Variants in MRPS27 observed in about 807,000 individuals in gnomAD.
The protein encoded by MRPS27 is small ribosomal subunit protein mS27.
A neutral mutation model predicts 48.9 loss-of-function variants in MRPS27; 43 were observed. The ratio of observed to expected loss-of-function variants is 0.88; its 90% CI spans 0.69 to 1.13. The LOEUF (loss-of-function observed/expected upper bound fraction) is 1.13. Ranked by LOEUF, MRPS27 falls within the 50% of genes most tolerant of loss-of-function variation. The probability of loss-of-function intolerance (pLI) is 0.00; values close to 1 mark genes in which losing one functional copy is unlikely to be tolerated. For synonymous variants in MRPS27, 188 were observed against 171.9 expected (o/e 1.09, Z -0.73); for missense variants, 467 against 476.3 (o/e 0.98, Z 0.18).
At chr5:72,318,428 T>TAATC (rs1246509678) in intron 1 of MRPS27, among the ~76,000 whole-genome samples, 9 of 152,248 alleles carry the variant, frequency 5.9e-5, no homozygotes, top group African/African-American at 2.2e-4. Flanking sequence ...CTAGCATAAG[T>TAATC]AATCACCTTT....
chr5:72,230,363 T>TA (rs907042143), intron 7 of MRPS27, among the ~76,000 whole-genome samples: 5 of 152,212 alleles, frequency 3.3e-5, no homozygotes, highest in African/African-American at 1.2e-4. Context: ...CTAGGCATCT[T>TA]AAAAGAGTTG....
chr5:72,259,449 C>T (rs990741341), intron 4 of MRPS27, among the ~76,000 whole-genome samples: 1 of 113,668 alleles, frequency 8.8e-6, no homozygotes, highest in East Asian at 2.5e-4. Context: ...GCCTGGGCAA[C>T]AAAAGTGAAA....
intron 4 of MRPS27, among the ~76,000 whole-genome samples, chr5:72,242,156 T>G (rs964699089): frequency 2.6e-5 from 4 of 152,038 alleles, no homozygotes; most frequent in African/African-American, 9.7e-5. Context: ...CAGTGTTGAG[T>G]AGGATTTTCA....
intron 2 of MRPS27, 113 bp downstream of exon 2, chr5:72,313,968 C>A: frequency 1.3e-6 from 1 of 758,056 alleles, no homozygotes; most frequent in African/African-American, 1.7e-5. Context: ...ACATGCTTAT[C>A]TGAATTGAAA....
At chr5:72,288,375 TTTTG>T (rs1749730257) in intron 4 of MRPS27, among the ~76,000 whole-genome samples, 1 of 152,084 alleles carries the variant, frequency 6.6e-6, no homozygotes, top group Non-Finnish European at 1.5e-5. Context: ...GCCCAGCTAA[TTTTG>T]TTTTTGTATT....
At chr5:72,255,029 CTT>C (rs70999273) in intron 4 of MRPS27, among the ~76,000 whole-genome samples, 6,536 of 72,138 alleles carry the variant, frequency 0.091, 505 homozygotes, top group African/African-American at 0.23. Context: ...CATTTCTTTT[CTT>C]TTTTTTTTTT....
intron 4 of MRPS27, among the ~76,000 whole-genome samples, chr5:72,286,223 C>A (rs1749670204): frequency 6.6e-6 from 1 of 151,878 alleles, no homozygotes; most frequent in Non-Finnish European, 1.5e-5. Flanking sequence ...TATACACACA[C>A]ACATATACAA....
At chr5:72,279,434 T>C (rs1469944061) in intron 4 of MRPS27, among the ~76,000 whole-genome samples, 1 of 152,176 alleles carries the variant, frequency 6.6e-6, no homozygotes, top group Non-Finnish European at 1.5e-5. Context: ...AAAATTTTTG[T>C]AGAATAGAAC....
At chr5:72,252,175 C>T (rs1016784214) in intron 4 of MRPS27, among the ~76,000 whole-genome samples, 4 of 152,216 alleles carry the variant, frequency 2.6e-5, no homozygotes, top group African/African-American at 9.6e-5. Flanking sequence ...CAAGGGTGAG[C>T]TGTTGCTATA....
intron 2 of MRPS27, among the ~76,000 whole-genome samples, chr5:72,302,156 G>A (rs1381077136): frequency 6.6e-6 from 1 of 152,192 alleles, no homozygotes; most frequent in African/African-American, 2.4e-5. Flanking sequence ...AAAATAAAAT[G>A]TATACTAAAA....
chr5:72,240,125 C>G (rs1052364746), intron 4 of MRPS27, among the ~76,000 whole-genome samples: 1 of 152,048 alleles, frequency 6.6e-6, no homozygotes, highest in African/African-American at 2.4e-5. Context: ...ATTCTTGGCC[C>G]ATAGGTTTTT....
intron 4 of MRPS27, among the ~76,000 whole-genome samples, chr5:72,278,735 T>C (rs1462382378): frequency 6.6e-6 from 1 of 151,298 alleles, no homozygotes; most frequent in East Asian, 1.9e-4. Context: ...ATATTTCACC[T>C]TTTTTTTACT....
At chr5:72,303,144 G>C (rs1353945) in intron 2 of MRPS27, among the ~76,000 whole-genome samples, 43 of 152,300 alleles carry the variant, frequency 2.8e-4, no homozygotes, top group African/African-American at 1.0e-3. Flanking sequence ...AGGAGAAAAG[G>C]GTTAAAGAAT....
At chr5:72,269,581 A>G (rs2112015037) in intron 4 of MRPS27, among the ~76,000 whole-genome samples, 1 of 152,372 alleles carries the variant, frequency 6.6e-6, no homozygotes, top group African/African-American at 2.4e-5. Context: ...GAAAATTCAG[A>G]GACAGACTCA....
chr5:72,272,049 G>A (rs1345828293), intron 4 of MRPS27, among the ~76,000 whole-genome samples: 1 of 150,856 alleles, frequency 6.6e-6, no homozygotes, highest in Non-Finnish European at 1.5e-5. Context: ...AACAAACAAA[G>A]TAAGGATGGT....
intron 1 of MRPS27, among the ~76,000 whole-genome samples, chr5:72,319,820 G>A (rs1391922382): frequency 1.3e-5 from 2 of 152,196 alleles, no homozygotes; most frequent in East Asian, 3.9e-4. Context: ...GACCACAGGC[G>A]TGGGCCACCG....
In MRPS27 at chr5:72,221,607, TA is replaced by T. The variant is rs1227430536; in HGVS notation, c.1006-460del. 3.3e-5 allele frequency among the ~76,000 whole-genome samples: 5 copies of T among 152,350 alleles called. No individual in the cohort carries two copies. In the East Asian group the frequency reaches 5.8e-4, roughly 18 times the overall value. ...CAAACACCAAAAATAAGAATTCTAA[TA>T]TGCAAACAAAATGGCAGAGGCATCT... is the stretch of plus-strand genomic sequence containing the variant. On this transcript the variant is annotated intron_variant, in intron 10 of 10. Transcript: ENST00000261413.
At chr5:72,254,672 C>G (rs1338276432) in intron 4 of MRPS27, among the ~76,000 whole-genome samples, 1 of 152,112 alleles carries the variant, frequency 6.6e-6, no homozygotes, top group Non-Finnish European at 1.5e-5. Context: ...ATAATAGCAC[C>G]TACTTCCTCT....
intron 4 of MRPS27, among the ~76,000 whole-genome samples, chr5:72,284,466 G>T (rs1252895054): frequency 1.3e-5 from 2 of 151,554 alleles, no homozygotes; most frequent in Admixed American, 1.3e-4. Flanking sequence ...TTCCTTCTGT[G>T]TGTGTGTGTG....
Sources: gnomAD v4.1 joint callset for allele counts (sites outside exome capture counted in the v4.1 genomes callset) on GRCh38, gnomAD v4.1.1 for gene constraint, MANE v1.5 for transcripts, NCBI Gene and HGNC (gene_info 2026-07-23, HGNC 2026-07-21) for gene names.